Variants in LRRC73 observed in about 807,000 individuals in gnomAD.
LRRC73 encodes leucine-rich repeat-containing protein 73.
A neutral mutation model predicts 26.4 loss-of-function variants in LRRC73; 16 were observed. The observed-to-expected ratio is 0.61, with a 90% CI of 0.41 to 0.92. The LOEUF (loss-of-function observed/expected upper bound fraction) is 0.92, where lower values mean the gene tolerates loss of function less well. Ranked by LOEUF, LRRC73 falls within the 40% of genes least tolerant of loss-of-function variation. The probability of loss-of-function intolerance (pLI) is 0.00; values close to 1 mark genes in which losing one functional copy is unlikely to be tolerated. For synonymous variants in LRRC73, 210 were observed against 179.8 expected (o/e 1.17, Z -1.34); for missense variants, 344 against 416.3 (o/e 0.83, Z 1.51).
In LRRC73 at chr6:43,507,504, C is replaced by T. The variant is rs747634768; in HGVS notation, c.832G>A (p.Glu278Lys). 5 of 1,613,112 alleles carry T rather than the reference C, an allele frequency of 3.1e-6. No individual in the cohort carries two copies. The East Asian group carries it at 8.9e-5, about 29-fold the overall frequency. ...CTGCCTCTCTGGTGGGCAGCAGGCT[C>T]CCGCCCTCTCTCCCATTCCTGGGTG... The change falls in exon 5 of 6, where the codon GAG (glutamate) becomes AAG (lysine). Residue 278 changes from glutamate (E) to lysine (K), a missense_variant. Transcript: ENST00000372441.
At position 43,508,262 on chromosome 6, in the gene LRRC73, G is replaced by A. The variant is rs200271855; in HGVS notation, c.556+36C>T. The A allele has an allele frequency of 2.1e-4, 327 of 1,583,408 alleles. No homozygotes were observed. In the African/African-American group the frequency reaches 3.5e-3, roughly 17 times the overall value. On this transcript the variant is annotated intron_variant, in intron 3 of 5. Transcript: ENST00000372441. ...CCCAGGCTCTTGGATAGGGCATGAG[G>A]CAGTGACAGCCCAAGGGGGTATTCT...
Position 43,507,410 on chromosome 6 carries a change from C to T in LRRC73, c.880+46G>A, listed in dbSNP as rs377690577. 1.7e-5 allele frequency: 28 copies of T among 1,609,852 alleles called. No homozygotes were observed. The South Asian group carries it at 1.8e-4, about 10-fold the overall frequency. On this transcript the variant is annotated intron_variant, in intron 5 of 5. Coordinates refer to ENST00000372441, the Ensembl canonical transcript of LRRC73. ...TCTGCACACCCACTCTCCCTTGTCC[C>T]GAGCCTCTTCCAGACCTGGCTCTGA...
chr6:43,508,404 C>CT lies in LRRC73; in HGVS notation c.449_450insA (p.Leu151AlafsTer10), dbSNP rs1561849945. The stretch of plus-strand genomic sequence containing the variant: ...GGGTGATGCCAGGGTTGGCACTCAG[C>CT]GTTAGCTCCTTCAAGCCTGGGCAGC... On this transcript the variant is annotated frameshift_variant, in exon 3 of 6. Transcript: ENST00000372441. LOFTEE classifies it high-confidence loss of function. 1 of 1,613,586 alleles carries CT rather than the reference C, an allele frequency of 6.2e-7. No homozygotes were observed. The highest frequency in any genetic ancestry group is 2.2e-5 in the East Asian group (1 of 44,874).
At chr6:43,509,480 T>C in intron 1 of LRRC73, 34 bp downstream of exon 1, 1 of 1,580,160 alleles carries the variant, frequency 6.3e-7, no homozygotes, top group Non-Finnish European at 8.6e-7. Flanking sequence ...AAGGGTGCAG[T>C]GCCCGGGACC....
chr6:43,509,840 G>A, exon 1 of LRRC73: 4 of 1,402,604 alleles, frequency 2.9e-6, no homozygotes, highest in Middle Eastern at 2.6e-4. Flanking sequence ...TGGTGGGGCC[G>A]CGGGCGGGGC....
At chr6:43,509,205 C>A (rs1792593583) in intron 1 of LRRC73, among the ~76,000 whole-genome samples, 1 of 152,168 alleles carries the variant, frequency 6.6e-6, no homozygotes, top group Admixed American at 6.5e-5. Flanking sequence ...CTCGTCCCCA[C>A]GGGGATATTC....
At chr6:43,509,569 G>A (rs1792602588) in exon 1 of LRRC73, 2 of 1,609,450 alleles carry the variant, frequency 1.2e-6, no homozygotes, top group African/African-American at 1.3e-5. Flanking sequence ...TGCTTGATGC[G>A]GCTGGGGCTG....
exon 1 of LRRC73, chr6:43,509,944 G>A: frequency 4.0e-6 from 2 of 504,000 alleles, no homozygotes; most frequent in Non-Finnish European, 6.0e-6. Flanking sequence ...CTGCGGCTGC[G>A]GCGGAGGCTG....
rs946158112 is a variant in LRRC73, at chr6:43,507,983, T to C, written c.557-57A>G. 2.7e-6 allele frequency: 4 copies of C among 1,465,144 alleles called. No individual in the cohort carries two copies. In the African/African-American group the frequency reaches 4.2e-5, roughly 15 times the overall value. The allele number at this position is 1,465,144 out of a possible 1,614,324, so 90.8% of individuals were successfully genotyped here. On this transcript the variant is annotated intron_variant, in intron 3 of 5. Coordinates refer to ENST00000372441, the Ensembl canonical transcript of LRRC73. ...ACACATGCCTGCTAATCCTTACAGA[T>C]AGCTTCCCCATTGCCTTAACAACTT...
chr6:43,507,226 C>T (rs900489549), exon 6 of LRRC73: 11 of 1,613,396 alleles, frequency 6.8e-6, no homozygotes, highest in Admixed American at 6.7e-5. Flanking sequence ...TGTGCAGAGG[C>T]CCAGTGGAGA....
exon 2 of LRRC73, chr6:43,508,915 T>C: frequency 2.5e-6 from 4 of 1,602,994 alleles, no homozygotes; most frequent in Non-Finnish European, 3.4e-6. Flanking sequence ...GGGGCTCCCA[T>C]GCAGGCTGGA....
chr6:43,508,569 A>T, intron 2 of LRRC73, 149 bp from the exon 3 acceptor site: 1 of 1,408,504 alleles, frequency 7.1e-7, no homozygotes, highest in Non-Finnish European at 9.7e-7. Flanking sequence ...AAGGAGGCCC[A>T]TGCTTCCTCT....
chr6:43,508,927 G>A lies in LRRC73; in HGVS notation c.273-7C>T, dbSNP rs767928254. 29 of 1,586,446 alleles carry A rather than the reference G, an allele frequency of 1.8e-5. No homozygotes were observed. The highest frequency in any genetic ancestry group is 3.4e-5 in the South Asian group (3 of 88,534). On this transcript the variant is annotated splice_polypyrimidine_tract_variant and splice_region_variant and intron_variant, in intron 1 of 5. Coordinates refer to ENST00000372441, the Ensembl canonical transcript of LRRC73. ...CAGGGGGCTCCCATGCAGGCTGGAGGAGAGTGAGAGAGCAGGGTTACTGCA... is the reference window on the plus strand; with the variant it reads ...CAGGGGGCTCCCATGCAGGCTGGAGAAGAGTGAGAGAGCAGGGTTACTGCA...
chr6:43,509,131 G>A (rs567114898), intron 1 of LRRC73, among the ~76,000 whole-genome samples: 3 of 140,600 alleles, frequency 2.1e-5, no homozygotes, highest in Non-Finnish European at 4.6e-5. Context: ...CCAGGACATT[G>A]CACAGGGAGG....
exon 5 of LRRC73, chr6:43,507,524 T>G (rs764383095): frequency 6.2e-7 from 1 of 1,613,530 alleles, no homozygotes; most frequent in South Asian, 1.1e-5. Flanking sequence ...CTCCCATTCC[T>G]GGGTGTCGCC....
At position 43,507,069 on chromosome 6, in the gene LRRC73, GTCACAGCTT is replaced by G. The variant is rs1048178414; in HGVS notation, c.*160_*168del. 4 of 692,818 alleles carry G rather than the reference GTCACAGCTT, an allele frequency of 5.8e-6. No individual in the cohort carries two copies. In the African/African-American group the frequency reaches 7.2e-5, roughly 12 times the overall value. 42.9% of individuals were successfully genotyped at this position (692,818 alleles called of 1,614,324 possible). A position where few individuals can be genotyped will look rare whatever the true frequency, so the allele number is the denominator to read the frequency against. On this transcript the variant is annotated 3_prime_UTR_variant, in exon 6 of 6. Transcript: ENST00000372441. ...AAGTGCCCCCCAAGGCTGTTGCTCA[GTCACAGCTT>G]CCAGAGCTTCCTTCCCACCACACTG...
In LRRC73 at chr6:43,509,628, G is replaced by T. The variant is rs755718839; in HGVS notation, c.158C>A (p.Ala53Asp). 8 of 1,602,844 alleles carry T rather than the reference G, an allele frequency of 5.0e-6. No homozygotes were observed. In the Admixed American group the frequency reaches 1.2e-4, roughly 24 times the overall value. ...GAGCTGCGCCAGGGACGTGGCCCCGGCCAGGGCCCGGCAGATGCGGCCAAA... is the reference window on the plus strand; with the variant it reads ...GAGCTGCGCCAGGGACGTGGCCCCGTCCAGGGCCCGGCAGATGCGGCCAAA... The change falls in exon 1 of 6, where the codon GCC (alanine) becomes GAC (aspartate). Residue 53 changes from alanine (A) to aspartate (D), a missense_variant. Physicochemically the swap from Ala to Asp is moderately radical, Grantham distance 126. Coordinates refer to ENST00000372441, the Ensembl canonical transcript of LRRC73.
At chr6:43,507,158 C>T in exon 6 of LRRC73, 2 of 1,493,014 alleles carry the variant, frequency 1.3e-6, no homozygotes, top group Non-Finnish European at 1.8e-6. Context: ...CTCCCAAGTC[C>T]CAGGGCCTGA....
At chr6:43,509,749 G>T in exon 1 of LRRC73, 2 of 1,585,634 alleles carry the variant, frequency 1.3e-6, no homozygotes, top group Non-Finnish European at 1.7e-6. Flanking sequence ...GCGCCGGACA[G>T]CGGCTCCCCC....
Sources: gnomAD v4.1 joint callset for allele counts (sites outside exome capture counted in the v4.1 genomes callset) on GRCh38, gnomAD v4.1.1 for gene constraint, MANE v1.5 for transcripts, NCBI Gene and HGNC (gene_info 2026-07-23, HGNC 2026-07-21) for gene names.